The following EPHB1 variants were observed in gnomAD, a reference collection of about 807,000 sequenced individuals.
EPHB1 encodes the protein EPH receptor B1.
EPHB1 carries 30 observed loss-of-function variants against 94.4 expected under a neutral mutation model. That is an observed-to-expected ratio of 0.32 (90% CI 0.24 to 0.43). The LOEUF is 0.43. EPHB1 is among the 20% of genes least tolerant of loss of function. The probability of loss-of-function intolerance (pLI) is 1.00; values close to 1 mark genes in which losing one functional copy is unlikely to be tolerated. For synonymous variants in EPHB1, 522 were observed against 489.1 expected (o/e 1.07, Z -0.89); for missense variants, 1,055 against 1,308.3 (o/e 0.81, Z 2.99).
chr3:134,840,566 A>C (rs970373502), intron 1 of EPHB1: 2 of 152,238 alleles, frequency 1.3e-5, no homozygotes, highest in East Asian at 1.9e-4. Flanking sequence ...ATAGTTTCTC[A>C]GTGCCCATAC....
chr3:135,016,464 C>A (rs1285267250), intron 3 of EPHB1, among the ~76,000 whole-genome samples: 2 of 152,188 alleles, frequency 1.3e-5, no homozygotes, highest in Admixed American at 6.5e-5. Flanking sequence ...AGGAGGGGAA[C>A]AAGTGATCCA....
chr3:135,156,146 A>T (rs574727404), intron 6 of EPHB1, among the ~76,000 whole-genome samples: 2 of 152,034 alleles, frequency 1.3e-5, no homozygotes, highest in East Asian at 3.9e-4. Context: ...AGCATATCTG[A>T]TGTGAGGAAA....
chr3:134,852,154 G>A (rs892174444), intron 1 of EPHB1, among the ~76,000 whole-genome samples: 6 of 152,116 alleles, frequency 3.9e-5, no homozygotes, highest in South Asian at 2.1e-4. Flanking sequence ...TGGCCATCTC[G>A]TTCCATCCAC....
At chr3:135,194,271 A>G (rs6780273) in intron 11 of EPHB1, among the ~76,000 whole-genome samples, 13,018 of 152,232 alleles carry the variant, frequency 0.086, 1,876 homozygotes, top group African/African-American at 0.29. Flanking sequence ...CCTGCCATCA[A>G]TGTAGTCCCT....
At chr3:135,255,956 C>A (rs1933365181) in intron 15 of EPHB1, among the ~76,000 whole-genome samples, 1 of 148,354 alleles carries the variant, frequency 6.7e-6, no homozygotes, top group African/African-American at 2.5e-5. Flanking sequence ...TGAATTGATC[C>A]CTTTACCATT....
At chr3:134,945,168 A>G (rs1460667292) in intron 2 of EPHB1, among the ~76,000 whole-genome samples, 1 of 152,208 alleles carries the variant, frequency 6.6e-6, no homozygotes, top group African/African-American at 2.4e-5. Flanking sequence ...GGTAAGTAAC[A>G]AATACTTTTT....
At chr3:135,054,573 C>G (rs1937294597) in intron 3 of EPHB1, among the ~76,000 whole-genome samples, 1 of 152,278 alleles carries the variant, frequency 6.6e-6, no homozygotes, top group South Asian at 2.1e-4. Context: ...GCTAACCCCC[C>G]CATTATTGTT....
At chr3:134,801,151 T>C (rs1378556485) in intron 1 of EPHB1, among the ~76,000 whole-genome samples, 1 of 152,192 alleles carries the variant, frequency 6.6e-6, no homozygotes, top group African/African-American at 2.4e-5. Flanking sequence ...AGCAAAATGT[T>C]CAGACAACCT....
At chr3:135,004,951 T>C (rs1263283595) in intron 3 of EPHB1, among the ~76,000 whole-genome samples, 1 of 152,222 alleles carries the variant, frequency 6.6e-6, no homozygotes, top group African/African-American at 2.4e-5. Context: ...AGCCTTCTTC[T>C]CTCAGCTCAT....
chr3:134,987,096 C>T (rs565879782), intron 3 of EPHB1, among the ~76,000 whole-genome samples: 1 of 152,148 alleles, frequency 6.6e-6, no homozygotes, highest in Non-Finnish European at 1.5e-5. Flanking sequence ...ACTGGGCACT[C>T]ACTATTCCTC....
At chr3:135,108,998 G>A (rs773459126) in intron 4 of EPHB1, among the ~76,000 whole-genome samples, 1 of 152,194 alleles carries the variant, frequency 6.6e-6, no homozygotes, top group Non-Finnish European at 1.5e-5. Flanking sequence ...AAAGACAATG[G>A]GAGGGAACAA....
intron 3 of EPHB1, among the ~76,000 whole-genome samples, chr3:135,010,558 G>GTTTTTTTTTTT (rs58579496): frequency 1.2e-4 from 13 of 110,372 alleles, no homozygotes; most frequent in East Asian, 2.7e-4. Context: ...ATTTTTTTCT[G>GTTTTTTTTTTT]TTTTTTTTTT....
At position 135,132,761 on chromosome 3, in the gene EPHB1, T is replaced by C. The variant is rs1410626849; in HGVS notation, c.1009T>C (p.Ser337Pro). ...TGTTATCTCCATCGTCAATGAGACG[T>C]CCATCATTCTGGAGTGGCACCCTCC... is the stretch of plus-strand genomic sequence containing the variant. ...RNVISIVNET[S>P]IILEWHPPRE... The change falls in exon 5 of 16, where the codon TCC becomes CCC. Residue 337 changes from serine (S) to proline (P), a missense_variant. Coordinates refer to ENST00000398015, the MANE Select transcript of EPHB1 (RefSeq NM_004441.5). 2 of 1,610,490 alleles carry C rather than the reference T, an allele frequency of 1.2e-6. No homozygotes were observed. The highest frequency in any genetic ancestry group is 3.3e-5 in the Admixed American group (2 of 59,902).
intron 9 of EPHB1, among the ~76,000 whole-genome samples, chr3:135,175,820 G>A (rs981973363): frequency 7.2e-5 from 11 of 152,118 alleles, no homozygotes; most frequent in Admixed American, 1.3e-4. Context: ...ATCTGAGAAC[G>A]TTTTCTGAGC....
intron 3 of EPHB1, among the ~76,000 whole-genome samples, chr3:135,099,715 A>G (rs1576383415): frequency 6.6e-6 from 1 of 152,360 alleles, no homozygotes; most frequent in East Asian, 1.9e-4. Context: ...CACAGGACCT[A>G]TGGAAGGAGC....
chr3:134,796,564 G>A (rs886923401), intron 1 of EPHB1, among the ~76,000 whole-genome samples: 4 of 152,226 alleles, frequency 2.6e-5, no homozygotes, highest in African/African-American at 4.8e-5. Flanking sequence ...CCGGCGCAGC[G>A]GGGAGCCTGG....
At chr3:135,011,448 T>C (rs17203924) in intron 3 of EPHB1, among the ~76,000 whole-genome samples, 13,019 of 152,190 alleles carry the variant, frequency 0.086, 655 homozygotes, top group South Asian at 0.17. Context: ...TTTTGAATAG[T>C]TTTCTGTTAT....
chr3:134,954,271 G>A (rs1262652991), intron 3 of EPHB1, among the ~76,000 whole-genome samples: 1 of 152,166 alleles, frequency 6.6e-6, no homozygotes, highest in East Asian at 1.9e-4. Flanking sequence ...GGCTGGCAAG[G>A]GGACCTTCGA....
intron 1 of EPHB1, among the ~76,000 whole-genome samples, chr3:134,834,391 A>G (rs1251975639): frequency 1.3e-5 from 2 of 152,060 alleles, no homozygotes. Context: ...GTTAAGAAAA[A>G]TTGTTACCCC....
Sources: allele counts gnomAD v4.1 joint callset (sites outside exome capture counted in the v4.1 genomes callset), GRCh38; gene constraint gnomAD v4.1.1; transcripts MANE v1.5; gene names NCBI Gene and HGNC (gene_info 2026-07-23, HGNC 2026-07-21).